LIMS2: variants seen among roughly 807,000 people sequenced by gnomAD.
LIMS2 encodes the protein LIM and senescent cell antigen-like-containing domain protein 2.
In LIMS2, 30 loss-of-function variants were observed where a neutral mutation model predicts 45.3. The observed-to-expected ratio is 0.66, with a 90% CI of 0.50 to 0.90. The LOEUF (loss-of-function observed/expected upper bound fraction) is 0.90, where lower values mean the gene tolerates loss of function less well. LIMS2 is among the 40% of genes least tolerant of loss of function. LIMS2 has a pLI of 0.00. For missense variants in LIMS2, 485 were observed against 468.7 expected (o/e 1.03, Z -0.32); for synonymous variants, 173 against 188.0 (o/e 0.92, Z 0.65).
chr2:127,642,711 A>T lies in LIMS2; in HGVS notation c.509+212T>A. On this transcript the variant is annotated intron_variant, in intron 5 of 9. Coordinates refer to ENST00000355119, the MANE Select transcript of LIMS2 (RefSeq NM_001161403.3). This position sits in a 1 kb window ranked among gnomAD's most constrained non-coding sequence, Gnocchi z 5.3. ...CCTGAGTCTCAAGTGCCCCCCAAAC[A>T]GAGCCCTGGAGAGAGAAGCTTCCTG... The T allele has an allele frequency of 1.7e-6, 1 of 582,862 alleles. No homozygotes were observed. Among genetic ancestry groups the T allele is most frequent in the Non-Finnish European group, 3.0e-6 (1 of 333,668 alleles). The allele number at this position is 582,862 out of a possible 1,614,324, so 36.1% of individuals were successfully genotyped here.
intron 1 of LIMS2, among the ~76,000 whole-genome samples, chr2:127,669,718 A>T (rs1258709556): frequency 1.2e-5 from 1 of 85,276 alleles, no homozygotes; most frequent in African/African-American, 4.3e-5. Context: ...ACTCCATCTT[A>T]AAAAAAAAAA....
rs975497154 is a variant in LIMS2, at chr2:127,664,345, C to T, written c.12-6783G>A. The T allele has an allele frequency of 6.5e-6, 8 of 1,223,928 alleles. No individual in the cohort carries two copies. Among genetic ancestry groups the T allele is most frequent in the African/African-American group, 4.7e-5 (3 of 63,748 alleles). 75.8% of individuals were successfully genotyped at this position (1,223,928 alleles called of 1,614,324 possible). On this transcript the variant is annotated intron_variant, in intron 1 of 9. Transcript: ENST00000355119. The surrounding 1 kb of genome is among the most constrained non-coding windows in gnomAD (Gnocchi z 5.5). ...CGGGCTCTGCCGGTGCTGGCGCCGCCGGTACAGCCCCGACGCGGCCAGCGC... is the reference window on the plus strand; with the variant it reads ...CGGGCTCTGCCGGTGCTGGCGCCGCTGGTACAGCCCCGACGCGGCCAGCGC...
intron 9 of LIMS2, among the ~76,000 whole-genome samples, chr2:127,639,700 C>T (rs1682207763): frequency 6.6e-6 from 1 of 152,198 alleles, no homozygotes; most frequent in African/African-American, 2.4e-5. Context: ...CGCCATCTCT[C>T]CTCTCCCAGC....
At position 127,639,062 on chromosome 2, in the gene LIMS2, TC is replaced by T; in HGVS notation, c.*218del. 1 of 565,638 alleles carries T rather than the reference TC, an allele frequency of 1.8e-6. No homozygotes were observed. The highest frequency in any genetic ancestry group is 3.1e-6 in the Non-Finnish European group (1 of 321,372). The allele number at this position is 565,638 out of a possible 1,614,324, so 35.0% of individuals were successfully genotyped here. ...CAGACGTGGGGTCATAGGCTCCCAC[TC>T]CCCAGCTCCTGCCTCCTCACAGACA... On this transcript the variant is annotated 3_prime_UTR_variant, in exon 10 of 10. Transcript: ENST00000355119.
chr2:127,664,170 C>T lies in LIMS2; in HGVS notation c.12-6608G>A, dbSNP rs1684854551. ...TCGCACGCGCCCACCCTGTCGCCAACCCAGGGCCCATCCGACGCCGGGGCA... is the reference window on the plus strand; with the variant it reads ...TCGCACGCGCCCACCCTGTCGCCAATCCAGGGCCCATCCGACGCCGGGGCA... On this transcript the variant is annotated intron_variant, in intron 1 of 9. Transcript: ENST00000355119. The surrounding 1 kb of genome is among the most constrained non-coding windows in gnomAD (Gnocchi z 5.5). 2 of 622,692 alleles carry T rather than the reference C, an allele frequency of 3.2e-6. No homozygotes were observed. Among genetic ancestry groups the T allele is most frequent in the African/African-American group, 2.0e-5 (1 of 51,190 alleles). 38.6% of individuals were successfully genotyped at this position (622,692 alleles called of 1,614,324 possible). A position where few individuals can be genotyped will look rare whatever the true frequency, so the allele number is the denominator to read the frequency against.
Position 127,664,598 on chromosome 2 carries a change from T to C in LIMS2, c.12-7036A>G, listed in dbSNP as rs1573838220. ...TCAACTCCAAATAGAAAGGATATTG[T>C]TCGCGCCGCGGGGGCAGCTCCTGAA... On this transcript the variant is annotated intron_variant, in intron 1 of 9. Transcript: ENST00000355119. This position sits in a 1 kb window ranked among gnomAD's most constrained non-coding sequence, Gnocchi z 5.5. 2.7e-6 allele frequency: 3 copies of C among 1,122,338 alleles called. No homozygotes were observed. Among genetic ancestry groups the C allele is most frequent in the Non-Finnish European group, 3.3e-6 (3 of 918,814 alleles). 69.5% of individuals were successfully genotyped at this position (1,122,338 alleles called of 1,614,324 possible). A position where few individuals can be genotyped will look rare whatever the true frequency, so the allele number is the denominator to read the frequency against.
At chr2:127,655,326 G>A (rs1025248230) in intron 2 of LIMS2, 1 of 226,944 alleles carries the variant, frequency 4.4e-6, no homozygotes. Context: ...GGGTATAGGA[G>A]ACAGAAGGAA....
At chr2:127,654,173 G>A (rs993421490) in intron 4 of LIMS2, among the ~76,000 whole-genome samples, 1 of 152,112 alleles carries the variant, frequency 6.6e-6, no homozygotes, top group Non-Finnish European at 1.5e-5. Flanking sequence ...TGGCCAGGGG[G>A]GTGGCAGAGT....
In LIMS2 at chr2:127,666,992, A is replaced by G. The variant is rs10192268; in HGVS notation, c.11+8022T>C. ...TAGTTGGGGACACAAAGCCTACCCAAATCACTTAGTAAGGCCAGTAACATG... is the reference window on the plus strand; with the variant it reads ...TAGTTGGGGACACAAAGCCTACCCAGATCACTTAGTAAGGCCAGTAACATG... On this transcript the variant is annotated intron_variant, in intron 1 of 9. Coordinates refer to ENST00000355119, the MANE Select transcript of LIMS2 (RefSeq NM_001161403.3). Among the ~76,000 whole-genome samples the G allele has an allele frequency of 1.5e-3, 221 of 152,362 alleles. 1 individual carries two copies. The highest frequency in any genetic ancestry group is 5.2e-3 in the African/African-American group (216 of 41,578).
upstream of LIMS2, among the ~76,000 whole-genome samples, chr2:127,677,138 G>C (rs1437667433): frequency 6.6e-6 from 1 of 152,168 alleles, no homozygotes; most frequent in Non-Finnish European, 1.5e-5. This position sits in a 1 kb window ranked among gnomAD's most constrained non-coding sequence, Gnocchi z 5.0. Context: ...AGGAGCCAGG[G>C]CCAGCCTCCC....
chr2:127,651,854 C>T (rs574927126), intron 4 of LIMS2: 16 of 1,125,906 alleles, frequency 1.4e-5, no homozygotes, highest in African/African-American at 9.3e-5. Context: ...CAGCAAGCAA[C>T]CTGAAATCTC....
chr2:127,649,958 G>GC, intron 4 of LIMS2: 1 of 1,468,648 alleles, frequency 6.8e-7, no homozygotes, highest in Non-Finnish European at 9.4e-7. Context: ...CTCCCAGCTG[G>GC]CCTGATACCC....
chr2:127,647,613 C>A lies in LIMS2; in HGVS notation c.360-4541G>T, dbSNP rs908168911. 3.9e-5 allele frequency among the ~76,000 whole-genome samples: 6 copies of A among 152,214 alleles called. No homozygotes were observed. Among genetic ancestry groups the A allele is most frequent in the Admixed American group, 1.3e-4 (2 of 15,304 alleles). On this transcript the variant is annotated intron_variant, in intron 4 of 9. Coordinates refer to ENST00000355119, the MANE Select transcript of LIMS2 (RefSeq NM_001161403.3). The surrounding 1 kb of genome is among the most constrained non-coding windows in gnomAD (Gnocchi z 4.3). ...GAGGGCACCCACCTTGGCCCCTTCC[C>A]ACCCCCAGGTTCTAACAAGGGCCCC...
intron 1 of LIMS2, among the ~76,000 whole-genome samples, chr2:127,658,215 T>C (rs1054269797): frequency 2.6e-5 from 4 of 152,002 alleles, no homozygotes; most frequent in African/African-American, 9.7e-5. Flanking sequence ...ATGGCAAGAA[T>C]CCATCTCTAA....
In LIMS2 at chr2:127,667,304, A is replaced by C. The variant is rs1685055248; in HGVS notation, c.11+7710T>G. Among the ~76,000 whole-genome samples the C allele has an allele frequency of 6.6e-6, 1 of 152,158 alleles. No homozygotes were observed. The highest frequency in any genetic ancestry group is 2.4e-5 in the African/African-American group (1 of 41,428). On this transcript the variant is annotated intron_variant, in intron 1 of 9. Transcript: ENST00000355119. This position sits in a 1 kb window ranked among gnomAD's most constrained non-coding sequence, Gnocchi z 4.1. ...AGATCTTGTCTCAAAAAGAGAAAAA[A>C]ACAAAAAACAAAAAACAACAAACCT...
Position 127,638,462 on chromosome 2 carries a change from C to CAAAACA in LIMS2, c.*818_*819insTGTTTT, listed in dbSNP as rs1682058001. 6.6e-6 allele frequency: 1 copy of CAAAACA among 152,130 alleles called. No homozygotes were observed. The highest frequency in any genetic ancestry group is 2.1e-4 in the South Asian group (1 of 4,822). 9.4% of individuals were successfully genotyped at this position (152,130 alleles called of 1,614,324 possible). Reference sequence around the variant, plus strand: ...AGCCTTCATTGTGCAAGCGTGAGCCCAACAAACAAACACCAGGTCTGCGCT... The same window carrying CAAAACA: ...AGCCTTCATTGTGCAAGCGTGAGCCCAAAACAAACAAACAAACACCAGGTCTGCGCT... On this transcript the variant is annotated 3_prime_UTR_variant, in exon 10 of 10. Transcript: ENST00000355119.
chr2:127,671,489 A>C lies in LIMS2; in HGVS notation c.11+3525T>G, dbSNP rs1685269027. The stretch of plus-strand genomic sequence containing the variant: ...AGCACAGATAGGGACAGACAGAAGA[A>C]GGATAACCCGCTGTGGATAGAAAGC... On this transcript the variant is annotated intron_variant, in intron 1 of 9. Coordinates refer to ENST00000355119, the MANE Select transcript of LIMS2 (RefSeq NM_001161403.3). This position sits in a 1 kb window ranked among gnomAD's most constrained non-coding sequence, Gnocchi z 4.1. 6.6e-6 allele frequency among the ~76,000 whole-genome samples: 1 copy of C among 151,950 alleles called. No individual in the cohort carries two copies. The highest frequency in any genetic ancestry group is 1.5e-5 in the Non-Finnish European group (1 of 68,006).
Position 127,675,511 on chromosome 2 carries a change from C to T in LIMS2, c.-487G>A, listed in dbSNP as rs550628950. ...GGCGCGGGTCAAGTCCTTCCCAACC[C>T]GGGCTCTGCTCGCCACCTCCTGGAT... On this transcript the variant is annotated 5_prime_UTR_variant, in exon 1 of 10. Coordinates refer to ENST00000355119, the MANE Select transcript of LIMS2 (RefSeq NM_001161403.3). Among the ~76,000 whole-genome samples, 43 of 152,122 alleles carry T rather than the reference C, an allele frequency of 2.8e-4. No individual in the cohort carries two copies. Among genetic ancestry groups the T allele is most frequent in the Non-Finnish European group, 5.4e-4 (37 of 67,920 alleles).
At chr2:127,670,236 C>T (rs1340270915) in intron 1 of LIMS2, among the ~76,000 whole-genome samples, 1 of 152,158 alleles carries the variant, frequency 6.6e-6, no homozygotes, top group Non-Finnish European at 1.5e-5. Context: ...ATGCAAATGT[C>T]TACCACGGAT....
Sources: allele counts gnomAD v4.1 joint callset (sites outside exome capture counted in the v4.1 genomes callset), GRCh38; gene constraint gnomAD v4.1.1; non-coding constraint Gnocchi (gnomAD v3.1); transcripts MANE v1.5; gene names NCBI Gene and HGNC (gene_info 2026-07-23, HGNC 2026-07-21).